The following ST3GAL3 variants were observed in gnomAD, a reference collection of about 807,000 sequenced individuals.
The protein encoded by ST3GAL3 is CMP-N-acetylneuraminate-beta-1,4-galactoside alpha-2,3-sialyltransferase.
Under a neutral mutation model 50.1 loss-of-function variants are expected in ST3GAL3, and 21 were observed. The observed-to-expected ratio is 0.42, with a 90% CI of 0.30 to 0.60. The LOEUF is 0.60. ST3GAL3 is among the 20% of genes least tolerant of loss of function. The pLI, the probability that ST3GAL3 is intolerant of heterozygous loss-of-function variation, is 0.19. For synonymous variants in ST3GAL3, 183 were observed against 190.0 expected (o/e 0.96, Z 0.30); for missense variants, 353 against 489.4 (o/e 0.72, Z 2.63).
chr1:43,818,979 G>A (rs2061746412), intron 4 of ST3GAL3: 1 of 152,184 alleles, frequency 6.6e-6, no homozygotes, highest in African/African-American at 2.4e-5. Flanking sequence ...TATTTTTTCT[G>A]TCACAGCTAC....
intron 2 of ST3GAL3, 140 bp downstream of exon 2, chr1:43,736,520 T>C (rs1678526619): frequency 6.7e-7 from 1 of 1,490,432 alleles, no homozygotes; most frequent in South Asian, 1.1e-5. Context: ...GGCCTAGAAA[T>C]TGCCTGCCAT....
At chr1:43,749,556 G>A (rs898711039) in intron 2 of ST3GAL3, among the ~76,000 whole-genome samples, 1 of 152,152 alleles carries the variant, frequency 6.6e-6, no homozygotes, top group African/African-American at 2.4e-5. Context: ...GGACAACACA[G>A]TGATACCCCA....
At chr1:43,878,884 G>C in intron 5 of ST3GAL3, 1 of 369,434 alleles carries the variant, frequency 2.7e-6, no homozygotes, top group Non-Finnish European at 5.4e-6. Flanking sequence ...ACAATTCTAA[G>C]TACTGGGGGG....
intron 2 of ST3GAL3, among the ~76,000 whole-genome samples, chr1:43,750,033 A>G (rs1468086441): frequency 1.3e-5 from 2 of 152,174 alleles, no homozygotes; most frequent in Non-Finnish European, 2.9e-5. Context: ...TTTTTTCAAT[A>G]TAAATTACCC....
At chr1:43,710,491 CAT>C (rs1302570504) in intron 1 of ST3GAL3, among the ~76,000 whole-genome samples, 1 of 152,204 alleles carries the variant, frequency 6.6e-6, no homozygotes, top group African/African-American at 2.4e-5. Context: ...TTCCATCCAT[CAT>C]GTGTATTGCC....
chr1:43,730,982 A>T (rs1252047998), intron 1 of ST3GAL3, among the ~76,000 whole-genome samples: 4 of 152,098 alleles, frequency 2.6e-5, no homozygotes, highest in African/African-American at 9.7e-5. Context: ...AGAGATAATT[A>T]TTGTCAATAG....
Position 43,745,101 on chromosome 1 carries a change from A to G in ST3GAL3, c.118+8721A>G, listed in dbSNP as rs570297597. 5.2e-5 allele frequency among the ~76,000 whole-genome samples: 8 copies of G among 152,390 alleles called. No homozygotes were observed. In the East Asian group the frequency reaches 1.5e-3, roughly 29 times the overall value. On this transcript the variant is annotated intron_variant, in intron 2 of 11. Coordinates refer to ENST00000347631, the MANE Select transcript of ST3GAL3 (RefSeq NM_006279.5). ...CAGGAGTTTGAAATCAGCCTGGCCA[A>G]CTGGGCTATACAGGAAAGATGAAGA...
intron 4 of ST3GAL3, among the ~76,000 whole-genome samples, chr1:43,831,269 C>G (rs1220780702): frequency 2.0e-5 from 3 of 152,180 alleles, no homozygotes; most frequent in African/African-American, 2.4e-5. Flanking sequence ...ATAATACTTA[C>G]CTTAGAGTAG....
intron 11 of ST3GAL3, among the ~76,000 whole-genome samples, chr1:43,926,514 G>A (rs572166207): frequency 2.7e-5 from 4 of 146,868 alleles, no homozygotes; most frequent in East Asian, 3.9e-4. Context: ...GCTTGAACTC[G>A]GGAGGCAGAG....
At chr1:43,763,215 T>C (rs1691219064) in intron 2 of ST3GAL3, among the ~76,000 whole-genome samples, 1 of 152,208 alleles carries the variant, frequency 6.6e-6, no homozygotes, top group African/African-American at 2.4e-5. Context: ...CACCTGAAGA[T>C]GAGGAGGCTC....
At chr1:43,813,546 AC>A (rs758928227) in intron 3 of ST3GAL3, among the ~76,000 whole-genome samples, 50 of 152,218 alleles carry the variant, frequency 3.3e-4, no homozygotes, top group Admixed American at 2.6e-3. Flanking sequence ...GGCAAGCCTT[AC>A]ATTGAGTTGT....
chr1:43,731,908 G>T (rs1307568939), intron 1 of ST3GAL3, among the ~76,000 whole-genome samples: 1 of 152,022 alleles, frequency 6.6e-6, no homozygotes, highest in Non-Finnish European at 1.5e-5. Context: ...GAATTCCTGG[G>T]CTCAAGTGAT....
At chr1:43,854,354 T>C (rs2067930085) in intron 5 of ST3GAL3, among the ~76,000 whole-genome samples, 1 of 152,190 alleles carries the variant, frequency 6.6e-6, no homozygotes, top group South Asian at 2.1e-4. Flanking sequence ...AGATAGTCTT[T>C]CTCTTTTCAT....
At chr1:43,881,628 C>A (rs2075146336) in intron 5 of ST3GAL3, among the ~76,000 whole-genome samples, 1 of 152,224 alleles carries the variant, frequency 6.6e-6, no homozygotes, top group Non-Finnish European at 1.5e-5. Context: ...GGCACTGCCC[C>A]CTTGAGGGCC....
intron 5 of ST3GAL3, among the ~76,000 whole-genome samples, chr1:43,867,999 A>G (rs1172566170): frequency 6.6e-6 from 1 of 152,234 alleles, no homozygotes; most frequent in Non-Finnish European, 1.5e-5. Context: ...ATTCCACTTC[A>G]TCCAACAATT....
At chr1:43,712,719 G>T (rs1665397951) in intron 1 of ST3GAL3, among the ~76,000 whole-genome samples, 1 of 152,138 alleles carries the variant, frequency 6.6e-6, no homozygotes, top group South Asian at 2.1e-4. Context: ...TTATTAGCTG[G>T]GTGGATATGG....
At chr1:43,921,227 C>T (rs2082981825) in intron 11 of ST3GAL3, among the ~76,000 whole-genome samples, 1 of 152,194 alleles carries the variant, frequency 6.6e-6, no homozygotes, top group African/African-American at 2.4e-5. Flanking sequence ...ACTGCAGTTC[C>T]TGCCTTCCCC....
intron 3 of ST3GAL3, among the ~76,000 whole-genome samples, chr1:43,812,124 A>G (rs750024984): frequency 1.1e-4 from 17 of 152,218 alleles, no homozygotes; most frequent in African/African-American, 3.9e-4. Flanking sequence ...TTGAGCATCT[A>G]CTGTGAGCAG....
In ST3GAL3 at chr1:43,898,295, A is replaced by G; in HGVS notation, c.458A>G (p.Asp153Gly). 6.2e-7 allele frequency: 1 copy of G among 1,613,536 alleles called. No homozygotes were observed. Among genetic ancestry groups the G allele is most frequent in the Non-Finnish European group, 8.5e-7 (1 of 1,180,014 alleles). Reference sequence around the variant, plus strand: ...GAGTACCGCCTGACCCCTGCCTTGGACAGGTGAGCCACACACTGTGCAGCC... The same window carrying G: ...GAGTACCGCCTGACCCCTGCCTTGGGCAGGTGAGCCACACACTGTGCAGCC... The part of the protein sequence containing the change: ...TKEYRLTPAL[D>G]SLRCRRCIIV... Residue 153 changes from aspartate to glycine, a missense_variant, in exon 7 of 12, where the codon GAC (aspartate) becomes GGC (glycine). Transcript: ENST00000347631.
Sources: gnomAD v4.1 joint callset for allele counts (sites outside exome capture counted in the v4.1 genomes callset) on GRCh38, gnomAD v4.1.1 for gene constraint, MANE v1.5 for transcripts, NCBI Gene and HGNC (gene_info 2026-07-23, HGNC 2026-07-21) for gene names.